SMOX: variants seen among roughly 807,000 people sequenced by gnomAD.
SMOX encodes spermine oxidase.
In SMOX, 22 loss-of-function variants were observed where a neutral mutation model predicts 51.0. The observed-to-expected ratio is 0.43, with a 90% CI of 0.31 to 0.62. SMOX has a LOEUF of 0.62. SMOX is among the 20% of genes least tolerant of loss of function. The pLI is 0.10. For missense variants in SMOX, 566 were observed against 777.7 expected (o/e 0.73, Z 3.24); for synonymous variants, 282 against 307.8 (o/e 0.92, Z 0.88).
chr20:4,150,540 G>A (rs1568726648), intron 1 of SMOX, among the ~76,000 whole-genome samples: 1 of 152,156 alleles, frequency 6.6e-6, no homozygotes, highest in African/African-American at 2.4e-5. Context: ...GGCTTTGTCC[G>A]TAGCCGCTTC....
At chr20:4,158,774 T>TA (rs1246156124) in intron 1 of SMOX, among the ~76,000 whole-genome samples, 1 of 151,898 alleles carries the variant, frequency 6.6e-6, no homozygotes, top group African/African-American at 2.4e-5. Context: ...CCTGTCCTCA[T>TA]ACCTTCAACT....
chr20:4,175,329 C>A (rs538141788), intron 2 of SMOX, 66 bp downstream of exon 2: 1 of 1,523,212 alleles, frequency 6.6e-7, no homozygotes, highest in East Asian at 2.3e-5. Flanking sequence ...ATTCCCGGCT[C>A]TGCCTGAAAT....
intron 1 of SMOX, among the ~76,000 whole-genome samples, chr20:4,157,562 C>T (rs571968972): frequency 6.6e-6 from 1 of 152,190 alleles, no homozygotes; most frequent in Admixed American, 6.5e-5. Flanking sequence ...GGACAAGTGG[C>T]CTGCGGGCAG....
chr20:4,177,400 G>A lies in SMOX; in HGVS notation c.258G>A (p.Gly86=). The A allele has an allele frequency of 6.4e-7, 1 of 1,556,286 alleles. No individual in the cohort carries two copies. The highest frequency in any genetic ancestry group is 8.7e-7 in the Non-Finnish European group (1 of 1,149,252). The change falls in exon 3 of 7, where the codon GGG becomes GGA. Residue 86 remains glycine, a synonymous_variant. Transcript: ENST00000305958. This position sits in a 1 kb window ranked among gnomAD's most constrained non-coding sequence, Gnocchi z 4.3. ...CCACCTGGATCCATGGCTCCCATGG[G>A]AACCCTATCTATCATCTAGCAGAAG... ...LGATWIHGSH[G]NPIYHLAEAN...
chr20:4,173,507 A>G (rs1443235709), intron 1 of SMOX, among the ~76,000 whole-genome samples: 2 of 152,090 alleles, frequency 1.3e-5, no homozygotes, highest in African/African-American at 2.4e-5. Flanking sequence ...TTTTATTTTC[A>G]GGCTGTTACG....
intron 3 of SMOX, among the ~76,000 whole-genome samples, chr20:4,180,479 C>G (rs759636022): frequency 6.6e-6 from 1 of 152,162 alleles, no homozygotes; most frequent in Non-Finnish European, 1.5e-5. Flanking sequence ...CACAGGGGCT[C>G]GACCAAGGAG....
At chr20:4,158,118 T>G (rs893334632) in intron 1 of SMOX, among the ~76,000 whole-genome samples, 2 of 150,556 alleles carry the variant, frequency 1.3e-5, no homozygotes, top group East Asian at 4.0e-4. Context: ...GCCAGGATGG[T>G]CTCGATCTCC....
intron 1 of SMOX, among the ~76,000 whole-genome samples, chr20:4,157,484 A>G (rs761078299): frequency 4.6e-5 from 7 of 152,046 alleles, no homozygotes; most frequent in Non-Finnish European, 8.8e-5. Flanking sequence ...AGGTGGGGAG[A>G]TCTGGACAGA....
At chr20:4,156,823 A>G (rs1386346805) in intron 1 of SMOX, among the ~76,000 whole-genome samples, 1 of 151,854 alleles carries the variant, frequency 6.6e-6, no homozygotes, top group East Asian at 1.9e-4. Flanking sequence ...GCTCATTGCA[A>G]CCTCCACCTC....
intron 1 of SMOX, among the ~76,000 whole-genome samples, chr20:4,169,207 G>C (rs571138671): frequency 1.8e-4 from 28 of 152,178 alleles, no homozygotes; most frequent in Admixed American, 1.3e-3. Flanking sequence ...TCACTATGTT[G>C]TCCAGGCTGG....
rs76292686 is a variant in SMOX, at chr20:4,184,823, C to A, written c.1530+1169C>A. Among the ~76,000 whole-genome samples the A allele has an allele frequency of 2.1e-4, 32 of 152,254 alleles. No homozygotes were observed. The East Asian group carries it at 5.4e-3, about 26-fold the overall frequency. On this transcript the variant is annotated intron_variant, in intron 6 of 6. Transcript: ENST00000305958. ...TAGGACTAGTGCATGTAGCAAAAAGCAAAGCAAAGCAAACACAACTGTGAC... is the reference window on the plus strand; with the variant it reads ...TAGGACTAGTGCATGTAGCAAAAAGAAAAGCAAAGCAAACACAACTGTGAC...
intron 1 of SMOX, among the ~76,000 whole-genome samples, chr20:4,152,734 C>T (rs1463452882): frequency 6.6e-6 from 1 of 152,188 alleles, no homozygotes; most frequent in Admixed American, 6.5e-5. Flanking sequence ...AAGCACTTTG[C>T]AAATGTTAAC....
intron 1 of SMOX, among the ~76,000 whole-genome samples, chr20:4,157,774 C>A (rs1487870319): frequency 6.6e-6 from 1 of 152,064 alleles, no homozygotes; most frequent in African/African-American, 2.4e-5. Context: ...GGACGTGACC[C>A]TCATTCTCAG....
chr20:4,167,763 C>T lies in SMOX; in HGVS notation c.-26-7267C>T, dbSNP rs1986630051. Among the ~76,000 whole-genome samples, 1 of 152,148 alleles carries T rather than the reference C, an allele frequency of 6.6e-6. No individual in the cohort carries two copies. Among genetic ancestry groups the T allele is most frequent in the Admixed American group, 6.5e-5 (1 of 15,278 alleles). On this transcript the variant is annotated intron_variant, in intron 1 of 6. Transcript: ENST00000305958. The surrounding 1 kb of genome is among the most constrained non-coding windows in gnomAD (Gnocchi z 4.8). The stretch of plus-strand genomic sequence containing the variant: ...TCCCCACACCTGTACCCCGATTCTC[C>T]CACCGTGGCAGCCCAGCCTGGCCCA...
chr20:4,155,539 G>T (rs1057206185), intron 1 of SMOX, among the ~76,000 whole-genome samples: 12 of 152,126 alleles, frequency 7.9e-5, no homozygotes, highest in Admixed American at 2.6e-4. Context: ...CCTCCAGGGG[G>T]GTTATCACAC....
intron 1 of SMOX, among the ~76,000 whole-genome samples, chr20:4,165,164 C>T (rs1484450295): frequency 2.0e-5 from 3 of 146,396 alleles, no homozygotes; most frequent in East Asian, 2.1e-4. Context: ...AAGTGATTCT[C>T]CTGCCTCAGC....
At chr20:4,156,997 C>T (rs1386727566) in intron 1 of SMOX, among the ~76,000 whole-genome samples, 1 of 152,206 alleles carries the variant, frequency 6.6e-6, no homozygotes, top group Non-Finnish European at 1.5e-5. Context: ...CTCACCTTGG[C>T]CTCCCAAAGT....
At position 4,183,526 on chromosome 20, in the gene SMOX, T is replaced by C; in HGVS notation, c.1402T>C (p.Leu468=). ...NPNIPKPRRI[L]RSAWGSNPYF... ...CAACATTCCAAAACCTCGGCGAATC[T>C]TGCGCTCGGCCTGGGGCAGCAACCC... The change falls in exon 6 of 7, where the codon TTG becomes CTG. Residue 468 remains leucine (L), a synonymous_variant. Coordinates refer to ENST00000305958, the MANE Select transcript of SMOX (RefSeq NM_175839.3). This position sits in a 1 kb window ranked among gnomAD's most constrained non-coding sequence, Gnocchi z 4.3. The C allele has an allele frequency of 3.7e-6, 6 of 1,614,232 alleles. No individual in the cohort carries two copies. The highest frequency in any genetic ancestry group is 5.1e-6 in the Non-Finnish European group (6 of 1,180,040).
chr20:4,162,801 TCA>T (rs1055290377), intron 1 of SMOX, among the ~76,000 whole-genome samples: 1 of 152,208 alleles, frequency 6.6e-6, no homozygotes, highest in South Asian at 2.1e-4. Context: ...CCAAGATCAC[TCA>T]GAGCTAGACC....
Sources: gnomAD v4.1 joint callset for allele counts (sites outside exome capture counted in the v4.1 genomes callset) on GRCh38, gnomAD v4.1.1 for gene constraint, Gnocchi (gnomAD v3.1) non-coding constraint, MANE v1.5 for transcripts, NCBI Gene and HGNC (gene_info 2026-07-23, HGNC 2026-07-21) for gene names.